RHEB: variants seen among roughly 807,000 people sequenced by gnomAD.
RHEB encodes GTP-binding protein Rheb.
A neutral mutation model predicts 28.8 loss-of-function variants in RHEB; 2 were observed. That is an observed-to-expected ratio of 0.07 (90% CI 0.03 to 0.22). The LOEUF is 0.22. Ranked by LOEUF, RHEB falls within the 10% of genes least tolerant of loss-of-function variation. RHEB has a pLI of 1.00. For missense variants in RHEB, 76 were observed against 219.9 expected (o/e 0.35, Z 4.14); for synonymous variants, 69 against 77.3 (o/e 0.89, Z 0.56).
At chr7:151,502,671 A>T in intron 1 of RHEB, 1 of 1,610,250 alleles carries the variant, frequency 6.2e-7, no homozygotes, top group Non-Finnish European at 8.5e-7. Context: ...CACTCCAAGG[A>T]AACACAAGAG....
intron 1 of RHEB, among the ~76,000 whole-genome samples, chr7:151,509,129 C>G (rs959272710): frequency 9.9e-5 from 15 of 152,204 alleles, no homozygotes; most frequent in African/African-American, 3.6e-4. Context: ...CACTGCCTGC[C>G]TGAGTGGGCA....
At chr7:151,516,002 A>C (rs1229562404) in intron 1 of RHEB, among the ~76,000 whole-genome samples, 1 of 152,144 alleles carries the variant, frequency 6.6e-6, no homozygotes, top group East Asian at 1.9e-4. Context: ...ATCCCAGTGA[A>C]AGATGTACCA....
intron 3 of RHEB, among the ~76,000 whole-genome samples, chr7:151,481,118 T>G (rs1802375900): frequency 6.6e-6 from 1 of 151,140 alleles, no homozygotes; most frequent in African/African-American, 2.5e-5. Flanking sequence ...TAGGTTAATA[T>G]AGAAGAGGCT....
chr7:151,492,542 A>G (rs1442722042), intron 1 of RHEB, among the ~76,000 whole-genome samples: 3 of 137,016 alleles, frequency 2.2e-5, no homozygotes, highest in African/African-American at 7.4e-5. Flanking sequence ...GTTTGAACCC[A>G]GGAGGCGGAG....
At chr7:151,489,006 T>A (rs1802530549) in intron 2 of RHEB, among the ~76,000 whole-genome samples, 1 of 152,158 alleles carries the variant, frequency 6.6e-6, no homozygotes, top group African/African-American at 2.4e-5. Flanking sequence ...AGTGACATGA[T>A]TACAGATCAC....
chr7:151,494,854 T>C (rs1055123224), intron 1 of RHEB, among the ~76,000 whole-genome samples: 10 of 152,252 alleles, frequency 6.6e-5, no homozygotes, highest in Non-Finnish European at 1.0e-4. Context: ...TTTTGCCATT[T>C]CCATTAAAAA....
intron 1 of RHEB, among the ~76,000 whole-genome samples, chr7:151,497,268 C>G (rs1802690669): frequency 6.6e-6 from 1 of 152,128 alleles, no homozygotes; most frequent in Non-Finnish European, 1.5e-5. Context: ...GTAATTCTTT[C>G]TCAAAGTGTG....
At chr7:151,505,442 T>G (rs1451590571) in intron 1 of RHEB, among the ~76,000 whole-genome samples, 1 of 152,080 alleles carries the variant, frequency 6.6e-6, no homozygotes, top group African/African-American at 2.4e-5. Context: ...AAATTTCAAA[T>G]AAAACCACAA....
chr7:151,486,377 G>C (rs935809236), intron 2 of RHEB, among the ~76,000 whole-genome samples: 2 of 152,138 alleles, frequency 1.3e-5, no homozygotes, highest in Non-Finnish European at 2.9e-5. Flanking sequence ...ACTGTTGTGG[G>C]TGCTTGGGAT....
intron 1 of RHEB, among the ~76,000 whole-genome samples, chr7:151,496,248 C>T (rs1258363273): frequency 6.6e-6 from 1 of 152,228 alleles, no homozygotes; most frequent in Non-Finnish European, 1.5e-5. Flanking sequence ...CAGCAACCCA[C>T]CTCCTGAGCA....
At chr7:151,497,889 C>G (rs1584861054) in intron 1 of RHEB, among the ~76,000 whole-genome samples, 1 of 152,302 alleles carries the variant, frequency 6.6e-6, no homozygotes, top group East Asian at 1.9e-4. Context: ...TTCCATGTGG[C>G]TTGTTATAAT....
intron 2 of RHEB, among the ~76,000 whole-genome samples, chr7:151,487,026 C>T (rs1420154848): frequency 6.6e-6 from 1 of 152,158 alleles, no homozygotes; most frequent in South Asian, 2.1e-4. Flanking sequence ...ATAAAAAAGC[C>T]CAGGATGTAG....
chr7:151,485,420 A>G (rs1201476437), intron 2 of RHEB, among the ~76,000 whole-genome samples: 1 of 152,356 alleles, frequency 6.6e-6, no homozygotes, highest in East Asian at 1.9e-4. Flanking sequence ...GGAAAAGTCA[A>G]TTCAGAATTA....
chr7:151,485,346 G>C (rs1296609298), intron 2 of RHEB, among the ~76,000 whole-genome samples: 1 of 152,192 alleles, frequency 6.6e-6, no homozygotes, highest in Non-Finnish European at 1.5e-5. Flanking sequence ...AAGGATCCAA[G>C]CAATTTGTCA....
intron 1 of RHEB, among the ~76,000 whole-genome samples, chr7:151,515,896 C>T (rs1024391445): frequency 1.3e-5 from 2 of 152,182 alleles, no homozygotes; most frequent in African/African-American, 2.4e-5. Flanking sequence ...TCCCATCCCT[C>T]TTATTAACTG....
intron 3 of RHEB, among the ~76,000 whole-genome samples, chr7:151,478,236 A>G (rs1348541047): frequency 1.3e-5 from 2 of 152,234 alleles, no homozygotes; most frequent in East Asian, 1.9e-4. Context: ...AATTGTCAAC[A>G]TAACACATGT....
intron 4 of RHEB, among the ~76,000 whole-genome samples, chr7:151,473,400 C>G (rs972223384): frequency 1.3e-5 from 2 of 152,208 alleles, no homozygotes; most frequent in Non-Finnish European, 2.9e-5. Context: ...GGGACTGCAG[C>G]CCCTGCTGAT....
At chr7:151,474,186 GT>G (rs5888440) in intron 4 of RHEB, among the ~76,000 whole-genome samples, 81,764 of 148,842 alleles carry the variant, frequency 0.55, 22,307 homozygotes, top group South Asian at 0.64. Context: ...TTGTTTTTTT[GT>G]TTTTTTTTTG....
At chr7:151,519,371 G>A (rs1584873130) in intron 1 of RHEB, 89 bp downstream of exon 1, 2 of 958,468 alleles carry the variant, frequency 2.1e-6, no homozygotes, top group Non-Finnish European at 1.3e-6. Context: ...TGGCCGCGCC[G>A]GCTCCAAACT....
Sources: gnomAD v4.1 joint callset for allele counts (sites outside exome capture counted in the v4.1 genomes callset) on GRCh38, gnomAD v4.1.1 for gene constraint, MANE v1.5 for transcripts, NCBI Gene and HGNC (gene_info 2026-07-23, HGNC 2026-07-21) for gene names.